Variants in R3HDML observed in about 807,000 individuals in gnomAD.
R3HDML encodes the protein peptidase inhibitor R3HDML.
A neutral mutation model predicts 24.2 loss-of-function variants in R3HDML; 21 were observed. That is an observed-to-expected ratio of 0.87 (90% CI 0.62 to 1.25). The LOEUF is 1.25. R3HDML is among the 50% of genes most tolerant of loss of function. The pLI, the probability that R3HDML is intolerant of heterozygous loss-of-function variation, is 0.00. For missense variants in R3HDML, 301 were observed against 340.3 expected (o/e 0.88, Z 0.91); for synonymous variants, 133 against 131.5 (o/e 1.01, Z -0.08).
intron 4 of R3HDML, among the ~76,000 whole-genome samples, chr20:44,347,307 C>G (rs920169077): frequency 4.0e-5 from 6 of 151,712 alleles, no homozygotes; most frequent in African/African-American, 1.5e-4. Flanking sequence ...CAGCCTCCAA[C>G]TCCTGGGTTC....
At chr20:44,344,530 G>T (rs377539309) in intron 3 of R3HDML, among the ~76,000 whole-genome samples, 1 of 151,972 alleles carries the variant, frequency 6.6e-6, no homozygotes, top group Non-Finnish European at 1.5e-5. Flanking sequence ...GCCTGTAATC[G>T]TAGCACTTTG....
At chr20:44,348,504 C>G (rs1600603506) in intron 4 of R3HDML, among the ~76,000 whole-genome samples, 1 of 147,746 alleles carries the variant, frequency 6.8e-6, no homozygotes, top group Admixed American at 6.9e-5. Context: ...CCTTTCCTTT[C>G]CTTTCCTTTC....
In R3HDML at chr20:44,337,973, G is replaced by A. The variant is rs994547643; in HGVS notation, c.261+555G>A. Among the ~76,000 whole-genome samples, 13 of 152,218 alleles carry A rather than the reference G, an allele frequency of 8.5e-5. No individual in the cohort carries two copies. The highest frequency in any genetic ancestry group is 1.9e-4 in the Non-Finnish European group (13 of 68,028). On this transcript the variant is annotated intron_variant, in intron 1 of 4. Transcript: ENST00000217043. The surrounding 1 kb of genome is among the most constrained non-coding windows in gnomAD (Gnocchi z 4.7). ...AGGCAGGCTTGGAGCAGTGGGGACA[G>A]GTACTGGGGAATCTCAGGCTGAGGA...
intron 1 of R3HDML, among the ~76,000 whole-genome samples, chr20:44,340,289 C>T (rs1433891478): frequency 6.6e-6 from 1 of 151,886 alleles, no homozygotes; most frequent in Non-Finnish European, 1.5e-5. Flanking sequence ...GGGGGTTTCT[C>T]CATGTTGGCC....
At chr20:44,338,417 T>C (rs1167388446) in intron 1 of R3HDML, among the ~76,000 whole-genome samples, 1 of 152,122 alleles carries the variant, frequency 6.6e-6, no homozygotes, top group Non-Finnish European at 1.5e-5. Flanking sequence ...CAACAAGATA[T>C]TAATGTACAT....
At chr20:44,340,932 C>CCTGCTCA (rs1398902785) in intron 1 of R3HDML, among the ~76,000 whole-genome samples, 6 of 152,334 alleles carry the variant, frequency 3.9e-5, no homozygotes, top group African/African-American at 1.4e-4. Context: ...AACTCCTGTA[C>CCTGCTCA]GAACACCCTG....
intron 4 of R3HDML, chr20:44,347,408 G>A (rs1447090509): frequency 2.0e-5 from 3 of 151,774 alleles, no homozygotes; most frequent in Non-Finnish European, 4.4e-5. Flanking sequence ...TTGTAGAGAT[G>A]GGGGGCTCAT....
chr20:44,337,055 G>A lies in R3HDML; in HGVS notation c.-103G>A, dbSNP rs2062759063. On this transcript the variant is annotated 5_prime_UTR_variant, in exon 1 of 5. Transcript: ENST00000217043. The surrounding 1 kb of genome is among the most constrained non-coding windows in gnomAD (Gnocchi z 4.7). ...CCCAGGAGGCAGCATCCTCTGGGTC[G>A]GCACTGTTGGAGAACGCTCAGGGTC... 1.1e-5 allele frequency: 15 copies of A among 1,419,244 alleles called. No homozygotes were observed. Among genetic ancestry groups the A allele is most frequent in the East Asian group, 4.6e-5 (2 of 43,280 alleles). 87.9% of individuals were successfully genotyped at this position (1,419,244 alleles called of 1,614,324 possible).
intron 1 of R3HDML, among the ~76,000 whole-genome samples, chr20:44,338,454 G>A (rs547079651): frequency 1.3e-5 from 2 of 152,310 alleles, no homozygotes; most frequent in Non-Finnish European, 2.9e-5. Flanking sequence ...GCAATACAGT[G>A]TTGGGAGGGG....
At chr20:44,338,404 G>A (rs1247273839) in intron 1 of R3HDML, among the ~76,000 whole-genome samples, 2 of 152,116 alleles carry the variant, frequency 1.3e-5, no homozygotes, top group East Asian at 3.9e-4. Context: ...AAACAAGCAT[G>A]AACAACAAGA....
rs781003307 is a variant in R3HDML, at chr20:44,341,200, G to A, written c.266G>A (p.Trp89Ter). The A allele has an allele frequency of 1.2e-6, 2 of 1,611,776 alleles. No individual in the cohort carries two copies. The highest frequency in any genetic ancestry group is 1.7e-6 in the Non-Finnish European group (2 of 1,178,444). Residue 89 changes from tryptophan to a stop codon, truncating the protein, a stop_gained, in exon 2 of 5, where the codon TGG (tryptophan) becomes TAG (stop). Transcript: ENST00000217043. LOFTEE classifies it high-confidence loss of function. ...TCATTGCCTTTCTTTCCCCAGGTCT[G>A]GGACAAGCGGCTGGCCAGGGCTGCC... ...PPAANMEYMV[W>*]DKRLARAAEA...
rs527668253 is a variant in R3HDML, at chr20:44,345,583, C to G, written c.629+205C>G. ...CTTTGGGAAGCCAAGGTGGGCAGAT[C>G]CCTTGAGCCCAGGAGTTCAAGATCA... On this transcript the variant is annotated intron_variant, in intron 4 of 4. Coordinates refer to ENST00000217043, the MANE Select transcript of R3HDML (RefSeq NM_178491.4). Among the ~76,000 whole-genome samples, 538 of 152,034 alleles carry G rather than the reference C, an allele frequency of 3.5e-3. 1 individual carries two copies. Among genetic ancestry groups the G allele is most frequent in the African/African-American group, 0.013 (525 of 41,468 alleles).
intron 4 of R3HDML, among the ~76,000 whole-genome samples, chr20:44,348,701 CG>C (rs1486322716): frequency 6.6e-6 from 1 of 151,496 alleles, no homozygotes; most frequent in Non-Finnish European, 1.5e-5. Context: ...TTTGTAGAGA[CG>C]GGGGTCTCGC....
At chr20:44,342,122 C>T (rs1359211132) in intron 2 of R3HDML, among the ~76,000 whole-genome samples, 1 of 152,134 alleles carries the variant, frequency 6.6e-6, no homozygotes, top group Non-Finnish European at 1.5e-5. Flanking sequence ...TCTTTCCAGA[C>T]TTGTGGATTT....
Position 44,337,335 on chromosome 20 carries a change from G to A in R3HDML, c.178G>A (p.Val60Met). 6.2e-7 allele frequency: 1 copy of A among 1,614,200 alleles called. No individual in the cohort carries two copies. The highest frequency in any genetic ancestry group is 8.5e-7 in the Non-Finnish European group (1 of 1,180,002). ...PRYRRKRHIS[V>M]RDMNALLDYH... ...GTACCGCCGGAAGCGCCACATCTCT[G>A]TGAGAGACATGAATGCCTTACTGGA... Residue 60 changes from valine (V) to methionine (M), a missense_variant, in exon 1 of 5, where the codon GTG becomes ATG. Coordinates refer to ENST00000217043, the MANE Select transcript of R3HDML (RefSeq NM_178491.4). The surrounding 1 kb of genome is among the most constrained non-coding windows in gnomAD (Gnocchi z 4.7).
At chr20:44,350,296 T>C (rs951458002) in intron 4 of R3HDML, among the ~76,000 whole-genome samples, 2 of 151,960 alleles carry the variant, frequency 1.3e-5, no homozygotes, top group Admixed American at 1.3e-4. Flanking sequence ...GGAGGACTGC[T>C]TGAGTCCAGA....
intron 4 of R3HDML, among the ~76,000 whole-genome samples, chr20:44,349,907 TA>T (rs1280696306): frequency 6.6e-6 from 1 of 151,930 alleles, no homozygotes; most frequent in African/African-American, 2.4e-5. Context: ...CTGTCTGTAC[TA>T]AAAATACAAA....
intron 4 of R3HDML, among the ~76,000 whole-genome samples, chr20:44,348,482 C>CTCCTTTCCTT (rs36204291): frequency 0.091 from 12,330 of 135,034 alleles, 619 homozygotes; most frequent in Middle Eastern, 0.1. Flanking sequence ...TTTTCCCTTT[C>CTCCTTTCCTT]TCCTTTCCTT....
chr20:44,345,975 A>G (rs1307863646), intron 4 of R3HDML, among the ~76,000 whole-genome samples: 1 of 151,578 alleles, frequency 6.6e-6, no homozygotes, highest in East Asian at 2.0e-4. Flanking sequence ...GTCTGCCACC[A>G]CGCCCAGCTA....
Sources: allele counts gnomAD v4.1 joint callset (sites outside exome capture counted in the v4.1 genomes callset), GRCh38; gene constraint gnomAD v4.1.1; non-coding constraint Gnocchi (gnomAD v3.1); transcripts MANE v1.5; gene names NCBI Gene and HGNC (gene_info 2026-07-23, HGNC 2026-07-21).